NKAIN3: variants seen among roughly 807,000 people sequenced by gnomAD.
NKAIN3 encodes sodium/potassium transporting ATPase interacting 3, also known as sodium/potassium-transporting ATPase subunit beta-1-interacting protein 3.
Under a neutral mutation model 30.2 loss-of-function variants are expected in NKAIN3, and 25 were observed. The ratio of observed to expected loss-of-function variants is 0.83; its 90% CI spans 0.60 to 1.16. The LOEUF is 1.16. NKAIN3 is among the 50% of genes most tolerant of loss of function. The pLI, the probability that NKAIN3 is intolerant of heterozygous loss-of-function variation, is 0.00. For synonymous variants in NKAIN3, 91 were observed against 89.6 expected, an observed-to-expected ratio of 1.02 and a Z score of -0.09; for missense variants, 225 against 254.1, an observed-to-expected ratio of 0.89 and a Z score of 0.78.
chr8:62,385,210 C>CT (rs1817389072), intron 1 of NKAIN3, among the ~76,000 whole-genome samples: 1 of 152,156 alleles, frequency 6.6e-6, no homozygotes, highest in Admixed American at 6.6e-5. Flanking sequence ...ATCCTCTGCA[C>CT]TATCATCATT....
chr8:62,319,173 G>T (rs1814778112), intron 1 of NKAIN3, among the ~76,000 whole-genome samples: 1 of 152,052 alleles, frequency 6.6e-6, no homozygotes, highest in African/African-American at 2.4e-5. Context: ...TGGGATCAGT[G>T]GTGATATCCC....
intron 4 of NKAIN3, among the ~76,000 whole-genome samples, chr8:62,826,176 T>C (rs947100132): frequency 4.6e-5 from 7 of 152,134 alleles, no homozygotes; most frequent in South Asian, 2.1e-4. Flanking sequence ...ATTTCCTAAC[T>C]TAAAAGAACA....
At chr8:62,502,557 C>CTCCTTA (rs1252132062) in intron 1 of NKAIN3, among the ~76,000 whole-genome samples, 3 of 151,244 alleles carry the variant, frequency 2.0e-5, no homozygotes, top group African/African-American at 7.3e-5. Context: ...CCTTCTCCTT[C>CTCCTTA]TTCTTCTCAG....
chr8:62,764,212 T>C (rs897256440), intron 4 of NKAIN3, among the ~76,000 whole-genome samples: 1 of 152,236 alleles, frequency 6.6e-6, no homozygotes, highest in Non-Finnish European at 1.5e-5. Flanking sequence ...TCAGCTACCC[T>C]GTACTGAACA....
chr8:62,393,153 T>G (rs1817625750), intron 1 of NKAIN3, among the ~76,000 whole-genome samples: 1 of 152,126 alleles, frequency 6.6e-6, no homozygotes, highest in Non-Finnish European at 1.5e-5. Flanking sequence ...TGTTTACATT[T>G]GTAATACAAT....
intron 1 of NKAIN3, among the ~76,000 whole-genome samples, chr8:62,353,245 G>C (rs1032862955): frequency 2.6e-4 from 40 of 152,194 alleles, no homozygotes; most frequent in Admixed American, 6.5e-4. Flanking sequence ...CTAAGACAGG[G>C]TTAGTTTAAG....
intron 1 of NKAIN3, among the ~76,000 whole-genome samples, chr8:62,418,517 G>A (rs1804526458): frequency 6.6e-6 from 1 of 152,120 alleles, no homozygotes; most frequent in South Asian, 2.1e-4. Flanking sequence ...TGGTCCTGGG[G>A]CTGCAATTGA....
chr8:62,509,281 A>G (rs1807742770), intron 1 of NKAIN3, among the ~76,000 whole-genome samples: 1 of 152,004 alleles, frequency 6.6e-6, no homozygotes. Flanking sequence ...ACCTCACCCT[A>G]TACTTTGCAC....
At chr8:62,749,090 A>T (rs2130588813) in intron 4 of NKAIN3, among the ~76,000 whole-genome samples, 1 of 152,292 alleles carries the variant, frequency 6.6e-6, no homozygotes, top group South Asian at 2.1e-4. Flanking sequence ...TGAACAATGA[A>T]AATGTTTTTC....
At chr8:62,308,842 T>C (rs1814337155) in intron 1 of NKAIN3, among the ~76,000 whole-genome samples, 1 of 150,452 alleles carries the variant, frequency 6.6e-6, no homozygotes, top group Non-Finnish European at 1.5e-5. Flanking sequence ...CAAAACAACC[T>C]TGCATTTTAC....
intron 1 of NKAIN3, among the ~76,000 whole-genome samples, chr8:62,310,546 A>G (rs1213849717): frequency 2.0e-5 from 3 of 150,600 alleles, no homozygotes; most frequent in South Asian, 2.1e-4. Flanking sequence ...GCTAGGATAC[A>G]TGGGACTTTT....
chr8:62,819,095 T>C (rs545544064), intron 4 of NKAIN3, among the ~76,000 whole-genome samples: 3 of 150,058 alleles, frequency 2.0e-5, no homozygotes, highest in African/African-American at 7.3e-5. Flanking sequence ...CCCAAAGATA[T>C]AATATTGTTA....
chr8:62,915,307 A>G (rs6987149), intron 4 of NKAIN3, among the ~76,000 whole-genome samples: 103,429 of 152,076 alleles, frequency 0.68, 36,112 homozygotes, highest in East Asian at 0.9. Flanking sequence ...AACATGGAGG[A>G]ATTGTCCTAA....
At chr8:62,803,035 A>G (rs1167279194) in intron 4 of NKAIN3, among the ~76,000 whole-genome samples, 1 of 152,206 alleles carries the variant, frequency 6.6e-6, no homozygotes, top group African/African-American at 2.4e-5. Context: ...ATATAATGGT[A>G]AAGGGATCAA....
At chr8:62,805,558 TC>T (rs1818247357) in intron 4 of NKAIN3, among the ~76,000 whole-genome samples, 1 of 152,096 alleles carries the variant, frequency 6.6e-6, no homozygotes, top group South Asian at 2.1e-4. Context: ...GGGAAAGGAT[TC>T]CCTATTTAAT....
At chr8:62,666,398 A>C (rs895916475) in intron 3 of NKAIN3, among the ~76,000 whole-genome samples, 2 of 152,156 alleles carry the variant, frequency 1.3e-5, no homozygotes, top group African/African-American at 4.8e-5. Context: ...TTATATCCAA[A>C]TGATATGATT....
chr8:62,627,304 T>C (rs1586024728), intron 3 of NKAIN3, among the ~76,000 whole-genome samples: 1 of 152,258 alleles, frequency 6.6e-6, no homozygotes, highest in South Asian at 2.1e-4. Flanking sequence ...CTACCTATTA[T>C]TTACTACACT....
At chr8:62,610,692 C>CT (rs1345624278) in intron 3 of NKAIN3, among the ~76,000 whole-genome samples, 1 of 152,078 alleles carries the variant, frequency 6.6e-6, no homozygotes, top group Non-Finnish European at 1.5e-5. Context: ...TAGCCTTTTT[C>CT]TTTCTTACTT....
intron 4 of NKAIN3, among the ~76,000 whole-genome samples, chr8:62,881,214 G>GA (rs771370444): frequency 6.0e-4 from 92 of 152,076 alleles, no homozygotes; most frequent in Non-Finnish European, 1.1e-3. Flanking sequence ...AATGTATAAT[G>GA]ACCTCCATCC....
Sources: allele counts gnomAD v4.1 joint callset (sites outside exome capture counted in the v4.1 genomes callset), GRCh38; gene constraint gnomAD v4.1.1; transcripts MANE v1.5; gene names NCBI Gene and HGNC (gene_info 2026-07-23, HGNC 2026-07-21).